Variants in GALNT13 observed in about 807,000 individuals in gnomAD.
The protein encoded by GALNT13 is polypeptide N-acetylgalactosaminyltransferase 13, also known as UDP-GalNAc:polypeptide N-acetylgalactosaminyltransferase 13.
Under a neutral mutation model 64.2 loss-of-function variants are expected in GALNT13, and 28 were observed. The ratio of observed to expected loss-of-function variants is 0.44; its 90% CI spans 0.32 to 0.60. GALNT13 has a LOEUF of 0.60. Ranked by LOEUF, GALNT13 falls within the 20% of genes least tolerant of loss-of-function variation. The probability of loss-of-function intolerance (pLI) is 0.05; values close to 1 mark genes in which losing one functional copy is unlikely to be tolerated. For missense variants in GALNT13, 577 were observed against 669.8 expected, an observed-to-expected ratio of 0.86 and a Z score of 1.53; for synonymous variants, 214 against 224.6, an observed-to-expected ratio of 0.95 and a Z score of 0.42.
the GALNT13 span, among the ~76,000 whole-genome samples, chr2:153,164,420 G>A: frequency 6.6e-6 from 1 of 151,992 alleles, no homozygotes; most frequent in Admixed American, 6.6e-5. Context: ...TTGAGAAAAT[G>A]TCTTTATGAT....
At chr2:153,446,168 G>T in the GALNT13 span, among the ~76,000 whole-genome samples, 1 of 152,112 alleles carries the variant, frequency 6.6e-6, no homozygotes, top group African/African-American at 2.4e-5. Flanking sequence ...TAGATTTAGG[G>T]GTAGGAGTTA....
At chr2:153,118,106 C>G in the GALNT13 span, among the ~76,000 whole-genome samples, 1 of 123,134 alleles carries the variant, frequency 8.1e-6, no homozygotes, top group Admixed American at 9.6e-5. Flanking sequence ...TCACTATGTA[C>G]CAACACACAC....
At chr2:153,552,876 A>G in the GALNT13 span, among the ~76,000 whole-genome samples, 1 of 152,020 alleles carries the variant, frequency 6.6e-6, no homozygotes, top group Admixed American at 6.5e-5. Context: ...CACAGTTCAC[A>G]ACAGGGTTCC....
At chr2:153,475,500 A>G in the GALNT13 span, among the ~76,000 whole-genome samples, 3 of 152,346 alleles carry the variant, frequency 2.0e-5, no homozygotes, top group African/African-American at 7.2e-5. Flanking sequence ...AAATACTAAG[A>G]GGAACAAGAT....
chr2:153,940,544 A>G (rs1352352397), intron 2 of GALNT13, among the ~76,000 whole-genome samples: 2 of 152,054 alleles, frequency 1.3e-5, no homozygotes, highest in Non-Finnish European at 2.9e-5. Context: ...GGTGTGAGCC[A>G]CCGTGCCCGG....
At chr2:153,611,411 C>G in the GALNT13 span, among the ~76,000 whole-genome samples, 1 of 151,950 alleles carries the variant, frequency 6.6e-6, no homozygotes, top group East Asian at 1.9e-4. Context: ...CTTTGTAGCT[C>G]AGGCTGGAGT....
intron 4 of GALNT13, among the ~76,000 whole-genome samples, chr2:154,195,885 A>G (rs1432345093): frequency 6.6e-6 from 1 of 152,046 alleles, no homozygotes; most frequent in Non-Finnish European, 1.5e-5. Flanking sequence ...TGGTACCAGA[A>G]CCCTAACTCC....
At chr2:154,191,404 C>G (rs1336439011) in intron 4 of GALNT13, among the ~76,000 whole-genome samples, 1 of 152,154 alleles carries the variant, frequency 6.6e-6, no homozygotes, top group Non-Finnish European at 1.5e-5. Context: ...GCTTGGAAAG[C>G]TGCACTTGGA....
chr2:154,072,900 A>G (rs911257649), intron 3 of GALNT13, among the ~76,000 whole-genome samples: 1 of 152,064 alleles, frequency 6.6e-6, no homozygotes, highest in African/African-American at 2.4e-5. Context: ...TCAGGGAGAT[A>G]GGGATATGAA....
At chr2:154,196,986 C>A (rs954883799) in intron 4 of GALNT13, among the ~76,000 whole-genome samples, 2 of 152,156 alleles carry the variant, frequency 1.3e-5, no homozygotes, top group African/African-American at 4.8e-5. Flanking sequence ...CTATCTCATT[C>A]CCTAAGTGCC....
chr2:154,133,923 A>G (rs1682794746), intron 3 of GALNT13, among the ~76,000 whole-genome samples: 1 of 152,096 alleles, frequency 6.6e-6, no homozygotes, highest in Admixed American at 6.5e-5. Flanking sequence ...TCATGAGCAA[A>G]TGGCTCTCTT....
chr2:153,092,144 G>T, the GALNT13 span, among the ~76,000 whole-genome samples: 1 of 152,088 alleles, frequency 6.6e-6, no homozygotes, highest in African/African-American at 2.4e-5. Flanking sequence ...TCAAAAATGA[G>T]TTCACTCTAG....
the GALNT13 span, among the ~76,000 whole-genome samples, chr2:153,790,714 G>A: frequency 6.6e-6 from 1 of 152,118 alleles, no homozygotes; most frequent in Non-Finnish European, 1.5e-5. Context: ...AATAGTCTCT[G>A]CCCAAAAGCT....
At chr2:154,090,023 TGA>T (rs1364643712) in intron 3 of GALNT13, among the ~76,000 whole-genome samples, 1 of 152,060 alleles carries the variant, frequency 6.6e-6, no homozygotes, top group African/African-American at 2.4e-5. Flanking sequence ...GACTTTGTCA[TGA>T]GTGTGCCTTG....
At chr2:153,132,999 G>A in the GALNT13 span, among the ~76,000 whole-genome samples, 25 of 151,804 alleles carry the variant, frequency 1.6e-4, no homozygotes, top group Non-Finnish European at 2.1e-4. Context: ...CTGGGATTAC[G>A]GGCATGGGCC....
At chr2:154,126,498 G>A (rs953565774) in intron 3 of GALNT13, among the ~76,000 whole-genome samples, 2 of 152,040 alleles carry the variant, frequency 1.3e-5, no homozygotes, top group African/African-American at 2.4e-5. Flanking sequence ...AGCTGGGCGT[G>A]GTGGTGGGCG....
At chr2:153,358,855 AG>A in the GALNT13 span, among the ~76,000 whole-genome samples, 1 of 152,130 alleles carries the variant, frequency 6.6e-6, no homozygotes, top group Non-Finnish European at 1.5e-5. Flanking sequence ...TTCTCACCAG[AG>A]GTTATCACTA....
chr2:153,707,939 T>A, the GALNT13 span, among the ~76,000 whole-genome samples: 1 of 152,138 alleles, frequency 6.6e-6, no homozygotes. Context: ...TTTGGTTAAT[T>A]AGACTGAGAA....
chr2:154,237,055 G>A (rs1408097751), intron 4 of GALNT13, among the ~76,000 whole-genome samples: 1 of 151,886 alleles, frequency 6.6e-6, no homozygotes, highest in Non-Finnish European at 1.5e-5. Flanking sequence ...GAAATCATTA[G>A]TATTACTAAA....
Sources: allele counts gnomAD v4.1 joint callset (sites outside exome capture counted in the v4.1 genomes callset), GRCh38; gene constraint gnomAD v4.1.1; transcripts MANE v1.5; gene names NCBI Gene and HGNC (gene_info 2026-07-23, HGNC 2026-07-21).